The following DDR2 variants were observed in gnomAD, a reference collection of about 807,000 sequenced individuals.
DDR2 encodes discoidin domain-containing receptor 2.
A neutral mutation model predicts 94.9 loss-of-function variants in DDR2; 27 were observed. That is an observed-to-expected ratio of 0.28 (90% confidence interval 0.21 to 0.39). DDR2 has a LOEUF of 0.39. Among genes scored for constraint, DDR2 ranks in the 10% least tolerant of loss-of-function variants. The pLI is 1.00. For synonymous variants in DDR2, 382 were observed against 377.2 expected (o/e 1.01, Z -0.15); for missense variants, 783 against 1,076.0 (o/e 0.73, Z 3.81).
intron 4 of DDR2, 62 bp downstream of exon 4, chr1:162,753,259 A>G: frequency 6.8e-7 from 1 of 1,479,256 alleles, no homozygotes; most frequent in South Asian, 1.1e-5. Flanking sequence ...CTGGGCACAG[A>G]TTCCTGACCC....
At chr1:162,746,542 G>A (rs1396194601) in intron 3 of DDR2, among the ~76,000 whole-genome samples, 2 of 152,220 alleles carry the variant, frequency 1.3e-5, no homozygotes, top group African/African-American at 4.8e-5. Flanking sequence ...ACCTCTGTGG[G>A]CAGGGCGTAG....
chr1:162,757,306 C>A (rs936925971), intron 7 of DDR2, among the ~76,000 whole-genome samples: 3 of 152,142 alleles, frequency 2.0e-5, no homozygotes, highest in African/African-American at 7.2e-5. Context: ...TATGGTAGAA[C>A]AGATGAAATC....
chr1:162,773,687 G>T, intron 14 of DDR2, 91 bp downstream of exon 14: 1 of 1,566,096 alleles, frequency 6.4e-7, no homozygotes. Context: ...TTTTTCTTTT[G>T]AGATGGGAAG....
At chr1:162,645,537 G>A (rs889127451) in intron 1 of DDR2, among the ~76,000 whole-genome samples, 19 of 152,166 alleles carry the variant, frequency 1.2e-4, no homozygotes, top group Non-Finnish European at 2.6e-4. Context: ...TGGTTTTGTT[G>A]AAACTAATCA....
chr1:162,702,148 A>C (rs1447091135), intron 2 of DDR2, among the ~76,000 whole-genome samples: 1 of 151,766 alleles, frequency 6.6e-6, no homozygotes, highest in East Asian at 1.9e-4. Flanking sequence ...TCTTTGTCTT[A>C]TTTTTCTTCC....
At chr1:162,714,826 C>A (rs1260128992) in intron 2 of DDR2, among the ~76,000 whole-genome samples, 1 of 152,118 alleles carries the variant, frequency 6.6e-6, no homozygotes, top group Non-Finnish European at 1.5e-5. Context: ...TAGATATTTA[C>A]AAAATAGTTG....
At chr1:162,654,621 G>A (rs1024435567) in intron 1 of DDR2, among the ~76,000 whole-genome samples, 5 of 152,284 alleles carry the variant, frequency 3.3e-5, no homozygotes, top group Admixed American at 2.0e-4. Context: ...TCATCGTGTG[G>A]AGCAGTGATT....
At chr1:162,672,086 C>A (rs773691188) in intron 2 of DDR2, among the ~76,000 whole-genome samples, 16 of 152,208 alleles carry the variant, frequency 1.1e-4, no homozygotes, top group Admixed American at 2.0e-4. Context: ...CATCTTCTTG[C>A]GTCACTCTGT....
rs1173350119 is a variant in DDR2, at chr1:162,768,992, G to A, written c.1294-1310G>A. On this transcript the variant is annotated intron_variant, in intron 11 of 17. Transcript: ENST00000367921. ...CTGAAGGTTCATTGAACTGCTTGAA[G>A]AGGATATGTGACCTTCTTAAATAGT... Among the ~76,000 whole-genome samples the A allele has an allele frequency of 7.2e-5, 11 of 152,230 alleles. 2 individuals are homozygous for A. Among genetic ancestry groups the A allele is most frequent in the Admixed American group, 7.2e-4 (11 of 15,284 alleles).
intron 2 of DDR2, among the ~76,000 whole-genome samples, chr1:162,705,970 A>G (rs1006056849): frequency 6.6e-6 from 1 of 152,240 alleles, no homozygotes; most frequent in African/African-American, 2.4e-5. Flanking sequence ...TGAGGAGGAG[A>G]TAAAAATTTC....
At chr1:162,742,346 A>G (rs1247319824) in intron 3 of DDR2, among the ~76,000 whole-genome samples, 1 of 152,212 alleles carries the variant, frequency 6.6e-6, no homozygotes, top group African/African-American at 2.4e-5. Context: ...CAGGCTGCAC[A>G]AGCATGGCAT....
At chr1:162,730,040 C>CTTTTTTTT (rs543854413) in intron 3 of DDR2, among the ~76,000 whole-genome samples, 1 of 53,766 alleles carries the variant, frequency 1.9e-5, no homozygotes, top group African/African-American at 7.2e-5. Context: ...CCATGCCTGG[C>CTTTTTTTT]TTTTTTTTTT....
intron 11 of DDR2, among the ~76,000 whole-genome samples, chr1:162,767,807 G>GGTGTGTGTGTTTGTGTGTGT (rs34949546): frequency 4.7e-4 from 70 of 149,560 alleles, no homozygotes; most frequent in African/African-American, 1.5e-3. Context: ...TTGTCTGTTT[G>GGTGTGTGTGTTTGTGTGTGT]GTGTGTGTGT....
At position 162,775,776 on chromosome 1, in the gene DDR2, G is replaced by A. The variant is rs2102196194; in HGVS notation, c.1981G>A (p.Asp661Asn). 6.2e-7 allele frequency: 1 copy of A among 1,614,094 alleles called. No individual in the cohort carries two copies. Among genetic ancestry groups the A allele is most frequent in the Non-Finnish European group, 8.5e-7 (1 of 1,180,010 alleles). Residue 661 changes from aspartate (D) to asparagine (N), a missense_variant, in exon 15 of 18, where the codon GAT becomes AAT. By Grantham distance (23) the Asp-to-Asn change is conservative. Transcript: ENST00000367921. Reference sequence around the variant, plus strand: ...GATCACTGAATACATGGAGAATGGAGATCTCAATCAGTTTCTTTCCCGCCA... The same window carrying A: ...GATCACTGAATACATGGAGAATGGAAATCTCAATCAGTTTCTTTCCCGCCA... The part of the protein sequence containing the change: ...CMITEYMENG[D>N]LNQFLSRHEP...
chr1:162,686,617 T>C (rs988160852), intron 2 of DDR2, among the ~76,000 whole-genome samples: 2 of 152,254 alleles, frequency 1.3e-5, no homozygotes, highest in African/African-American at 4.8e-5. Context: ...CAGTCTATCA[T>C]TGATGGACAT....
intron 3 of DDR2, among the ~76,000 whole-genome samples, chr1:162,728,561 G>A (rs1267273489): frequency 6.6e-6 from 1 of 152,102 alleles, no homozygotes; most frequent in Non-Finnish European, 1.5e-5. Flanking sequence ...TATGATCAAA[G>A]GCCTTGTCTT....
At chr1:162,635,775 A>G (rs1656788360) in intron 1 of DDR2, among the ~76,000 whole-genome samples, 1 of 152,210 alleles carries the variant, frequency 6.6e-6, no homozygotes, top group African/African-American at 2.4e-5. Context: ...TCAAATCAGA[A>G]TATCTGAGGT....
intron 3 of DDR2, among the ~76,000 whole-genome samples, chr1:162,726,099 G>C (rs988462011): frequency 6.6e-6 from 1 of 152,180 alleles, no homozygotes; most frequent in African/African-American, 2.4e-5. Flanking sequence ...CTTAAGGGCT[G>C]TTAGGAAGAG....
intron 1 of DDR2, among the ~76,000 whole-genome samples, chr1:162,647,120 A>G (rs1373562532): frequency 6.6e-6 from 1 of 152,208 alleles, no homozygotes; most frequent in East Asian, 1.9e-4. Flanking sequence ...TACTCGGTCT[A>G]GACTCTCCTT....
Sources: gnomAD v4.1 joint callset for allele counts (sites outside exome capture counted in the v4.1 genomes callset) on GRCh38, gnomAD v4.1.1 for gene constraint, MANE v1.5 for transcripts, NCBI Gene and HGNC (gene_info 2026-07-23, HGNC 2026-07-21) for gene names.